Variants in DAB1 observed in about 807,000 individuals in gnomAD.
DAB1 encodes disabled homolog 1.
In DAB1, 15 loss-of-function variants were observed where a neutral mutation model predicts 64.6. The ratio of observed to expected loss-of-function variants is 0.23; its 90% CI spans 0.16 to 0.36. DAB1 has a LOEUF of 0.36. Among genes scored for constraint, DAB1 ranks in the 10% least tolerant of loss-of-function variants. DAB1 has a pLI of 1.00. For missense variants in DAB1, 596 were observed against 706.7 expected (o/e 0.84, Z 1.78); for synonymous variants, 235 against 251.9 (o/e 0.93, Z 0.64).
chr1:57,485,133 T>C (rs1644073706), intron 7 of DAB1, among the ~76,000 whole-genome samples: 1 of 152,186 alleles, frequency 6.6e-6, no homozygotes. Flanking sequence ...TGCTACTGTA[T>C]GCCCTGTGAC....
chr1:57,833,145 T>C (rs1189148524), intron 1 of DAB1, among the ~76,000 whole-genome samples: 1 of 152,026 alleles, frequency 6.6e-6, no homozygotes, highest in Non-Finnish European at 1.5e-5. Flanking sequence ...TTGCTCCCAA[T>C]GTGTTTACTT....
chr1:57,473,351 C>T (rs1687208408), intron 7 of DAB1, among the ~76,000 whole-genome samples: 1 of 152,142 alleles, frequency 6.6e-6, no homozygotes, highest in Admixed American at 6.5e-5. Context: ...TGTAGAATTG[C>T]CCTCCCTCAA....
intron 7 of DAB1, among the ~76,000 whole-genome samples, chr1:57,627,529 T>C (rs1318332758): frequency 1.3e-5 from 2 of 152,194 alleles, no homozygotes; most frequent in Non-Finnish European, 1.5e-5. Context: ...TCATGACATA[T>C]GAAATGGTAC....
At chr1:58,397,244 T>C (rs1472758338) in intron 3 of DAB1, among the ~76,000 whole-genome samples, 1 of 152,104 alleles carries the variant, frequency 6.6e-6, no homozygotes, top group East Asian at 1.9e-4. Flanking sequence ...CAGCCCATAC[T>C]CGGCCCAGGC....
intron 5 of DAB1, among the ~76,000 whole-genome samples, chr1:58,123,201 T>G (rs1439452917): frequency 6.6e-6 from 1 of 152,104 alleles, no homozygotes; most frequent in Admixed American, 6.6e-5. Context: ...GAGAAAAGAC[T>G]CCATAGGATG....
At chr1:58,396,109 C>A (rs555808579) in intron 3 of DAB1, among the ~76,000 whole-genome samples, 1 of 135,046 alleles carries the variant, frequency 7.4e-6, no homozygotes, top group Non-Finnish European at 1.5e-5. Flanking sequence ...TATTACCAGG[C>A]GAGAAGAGGG....
intron 1 of DAB1, among the ~76,000 whole-genome samples, chr1:57,850,696 AT>A (rs1653484136): frequency 1.3e-5 from 2 of 152,162 alleles, no homozygotes; most frequent in Admixed American, 6.5e-5. Context: ...GTGACGGCAC[AT>A]TCAATGTGAT....
chr1:57,097,734 T>G (rs1654295686), intron 4 of DAB1, among the ~76,000 whole-genome samples: 1 of 150,966 alleles, frequency 6.6e-6, no homozygotes, highest in African/African-American at 2.4e-5. Flanking sequence ...AACTACCAGT[T>G]GGAACTTTAT....
chr1:57,346,483 A>C (rs1420669611), intron 1 of DAB1, among the ~76,000 whole-genome samples: 1 of 152,212 alleles, frequency 6.6e-6, no homozygotes, highest in African/African-American at 2.4e-5. Context: ...TGGAATCCCA[A>C]TTCTTATCTT....
At position 57,302,643 on chromosome 1, in the gene DAB1, G is replaced by T. The variant is rs143267362; in HGVS notation, c.-136-11477C>A. Among the ~76,000 whole-genome samples, 161 of 152,012 alleles carry T rather than the reference G, an allele frequency of 1.1e-3. 1 individual carries two copies. The highest frequency in any genetic ancestry group is 3.6e-3 in the African/African-American group (151 of 41,428). On this transcript the variant is annotated intron_variant, in intron 1 of 14. Transcript: ENST00000371236. ...TTTAGAGACAGAGTCTCACTCTGTT[G>T]CCCAGGATACAGTGCAGTGGTACAA...
intron 5 of DAB1, among the ~76,000 whole-genome samples, chr1:58,039,855 A>G (rs1442671131): frequency 6.6e-6 from 1 of 152,256 alleles, no homozygotes; most frequent in Non-Finnish European, 1.5e-5. Context: ...AACAATAAAT[A>G]TGAAGTACTT....
chr1:58,153,312 AT>A (rs1266879411), intron 4 of DAB1, among the ~76,000 whole-genome samples: 1 of 152,086 alleles, frequency 6.6e-6, no homozygotes, highest in African/African-American at 2.4e-5. Context: ...ATCTTATTTG[AT>A]TTTCCAAAAA....
chr1:57,560,127 C>A (rs914976927), intron 7 of DAB1, among the ~76,000 whole-genome samples: 1 of 152,250 alleles, frequency 6.6e-6, no homozygotes, highest in Admixed American at 6.5e-5. Flanking sequence ...TTTCTCCATT[C>A]CTGTCCATAA....
intron 9 of DAB1, chr1:57,033,566 T>C: frequency 2.5e-6 from 4 of 1,612,330 alleles, no homozygotes; most frequent in Non-Finnish European, 3.4e-6. Context: ...CTCAAACGAA[T>C]AGCCATTCTG....
intron 7 of DAB1, among the ~76,000 whole-genome samples, chr1:57,557,462 G>A (rs1372156210): frequency 6.6e-6 from 1 of 151,250 alleles, no homozygotes; most frequent in African/African-American, 2.4e-5. Flanking sequence ...ACATATATAT[G>A]TGTGTGTGTA....
intron 7 of DAB1, among the ~76,000 whole-genome samples, chr1:57,494,716 A>T (rs1014738614): frequency 6.6e-5 from 10 of 152,116 alleles, no homozygotes; most frequent in Admixed American, 3.9e-4. Flanking sequence ...CATTACTGCC[A>T]CTCACTCTGG....
chr1:57,754,799 C>A (rs77868340), intron 6 of DAB1, among the ~76,000 whole-genome samples: 6,745 of 152,280 alleles, frequency 0.044, 195 homozygotes, highest in Middle Eastern at 0.095. Context: ...AGAGCTGGGG[C>A]TCAGCCCTGG....
chr1:58,447,143 G>A (rs1181976118), intron 3 of DAB1, among the ~76,000 whole-genome samples: 1 of 152,146 alleles, frequency 6.6e-6, no homozygotes, highest in Non-Finnish European at 1.5e-5. Flanking sequence ...TTATTCACAA[G>A]TAATGACTAA....
intron 1 of DAB1, among the ~76,000 whole-genome samples, chr1:58,531,646 T>C (rs894930042): frequency 1.3e-5 from 2 of 152,124 alleles, no homozygotes; most frequent in African/African-American, 2.4e-5. Context: ...ATACTTTACC[T>C]CCTTATATTT....
Sources: gnomAD v4.1 joint callset for allele counts (sites outside exome capture counted in the v4.1 genomes callset) on GRCh38, gnomAD v4.1.1 for gene constraint, MANE v1.5 for transcripts, NCBI Gene and HGNC (gene_info 2026-07-23, HGNC 2026-07-21) for gene names.